THSD4: variants seen among roughly 807,000 people sequenced by gnomAD.
THSD4 encodes thrombospondin type-1 domain-containing protein 4.
Under a neutral mutation model 119.0 loss-of-function variants are expected in THSD4, and 69 were observed. The observed-to-expected ratio is 0.58, with a 90% CI of 0.48 to 0.71. The LOEUF is 0.71. Ranked by LOEUF, THSD4 falls within the 30% of genes least tolerant of loss-of-function variation. The pLI is 0.00. For synonymous variants in THSD4, 524 were observed against 540.4 expected (o/e 0.97, Z 0.42); for missense variants, 1,393 against 1,391.1 (o/e 1.00, Z -0.02).
intron 8 of THSD4, among the ~76,000 whole-genome samples, chr15:71,698,126 T>G (rs959701400): frequency 2.0e-5 from 3 of 152,150 alleles, no homozygotes; most frequent in Non-Finnish European, 4.4e-5. Flanking sequence ...GAAAATCATT[T>G]GGTACTTGTC....
intron 7 of THSD4, among the ~76,000 whole-genome samples, chr15:71,657,860 T>C (rs2140991418): frequency 6.6e-6 from 1 of 152,372 alleles, no homozygotes; most frequent in East Asian, 1.9e-4. Context: ...AGCATTTTCA[T>C]ATAATGTCTG....
chr15:71,125,092 G>C (rs1435964461), intron 1 of THSD4, among the ~76,000 whole-genome samples: 1 of 151,862 alleles, frequency 6.6e-6, no homozygotes, highest in Non-Finnish European at 1.5e-5. Context: ...GAGAAGAGGA[G>C]AGAAGGTGAA....
chr15:71,442,660 G>GTGTATGTATGTATGTATATATA, intron 7 of THSD4, among the ~76,000 whole-genome samples: 2 of 25,828 alleles, frequency 7.7e-5, no homozygotes, highest in African/African-American at 1.1e-4. Context: ...GTGTGTGTGT[G>GTGTATGTATGTATGTATATATA]TATATATATA....
Position 71,141,462 on chromosome 15 carries a change from C to G in THSD4, c.-66C>G. 1 of 1,515,704 alleles carries G rather than the reference C, an allele frequency of 6.6e-7. No individual in the cohort carries two copies. The highest frequency in any genetic ancestry group is 8.9e-7 in the Non-Finnish European group (1 of 1,119,230). 93.9% of individuals were successfully genotyped at this position (1,515,704 alleles called of 1,614,324 possible). A position where few individuals can be genotyped will look rare whatever the true frequency, so the allele number is the denominator to read the frequency against. ...TCATTTCCATAGGACTTGAACGCAA[C>G]TCCCAATTGCAGAAAATTGGCAACG... On this transcript the variant is annotated 5_prime_UTR_variant, in exon 2 of 18. Coordinates refer to ENST00000261862, the MANE Select transcript of THSD4 (RefSeq NM_024817.3).
intron 8 of THSD4, among the ~76,000 whole-genome samples, chr15:71,727,350 C>A (rs1400212356): frequency 6.6e-6 from 1 of 151,670 alleles, no homozygotes; most frequent in East Asian, 1.9e-4. Flanking sequence ...ATGTGACCCT[C>A]TTAGCTTTAG....
chr15:71,490,025 AT>A (rs968587273), intron 7 of THSD4, among the ~76,000 whole-genome samples: 1 of 151,520 alleles, frequency 6.6e-6, no homozygotes, highest in South Asian at 2.1e-4. Context: ...TTGTGTCCTG[AT>A]TTTTTTTTCC....
chr15:71,714,702 C>T (rs186371884), intron 8 of THSD4, among the ~76,000 whole-genome samples: 4 of 151,488 alleles, frequency 2.6e-5, no homozygotes, highest in African/African-American at 4.9e-5. Context: ...TAAAATTAGC[C>T]GAGCGTGGTG....
chr15:71,640,229 C>T (rs961500840), intron 7 of THSD4, among the ~76,000 whole-genome samples: 3 of 151,626 alleles, frequency 2.0e-5, no homozygotes, highest in African/African-American at 7.3e-5. Context: ...ACTACAGGTA[C>T]ACACTGCTAT....
At chr15:71,368,720 A>G (rs1202606589) in intron 6 of THSD4, among the ~76,000 whole-genome samples, 1 of 152,264 alleles carries the variant, frequency 6.6e-6, no homozygotes, top group African/African-American at 2.4e-5. Flanking sequence ...AGGTAGTGTG[A>G]TGCCTCCAGC....
At chr15:71,421,384 G>C (rs527303721) in intron 7 of THSD4, among the ~76,000 whole-genome samples, 1 of 152,098 alleles carries the variant, frequency 6.6e-6, no homozygotes, top group Non-Finnish European at 1.5e-5. Flanking sequence ...GCTTTTGTTT[G>C]TCTGGGTAAG....
rs149319924 is a variant in THSD4 at position 71,269,934 on chromosome 15, C to G, written c.1015+13219C>G. On this transcript the variant is annotated intron_variant, in intron 6 of 17. Transcript: ENST00000261862. ...CTTCAAGGAGAACTACAAACCACTGCTCAAGGAAATAAGAGAGGACACAAA... is the reference window on the plus strand; with the variant it reads ...CTTCAAGGAGAACTACAAACCACTGGTCAAGGAAATAAGAGAGGACACAAA... Among the ~76,000 whole-genome samples the G allele has an allele frequency of 5.7e-4, 87 of 152,228 alleles. 1 individual carries two copies. In the East Asian group the frequency reaches 0.014, roughly 25 times the overall value.
chr15:71,766,195 T>G (rs1005065375), intron 16 of THSD4, among the ~76,000 whole-genome samples: 1 of 152,104 alleles, frequency 6.6e-6, no homozygotes, highest in African/African-American at 2.4e-5. Flanking sequence ...ATAAGATTCA[T>G]TTTTTTCAAG....
intron 6 of THSD4, among the ~76,000 whole-genome samples, chr15:71,410,096 C>A (rs2046665082): frequency 6.6e-6 from 1 of 151,970 alleles, no homozygotes; most frequent in African/African-American, 2.4e-5. Flanking sequence ...TAGAAATGTA[C>A]AGAAAGACTC....
intron 6 of THSD4, among the ~76,000 whole-genome samples, chr15:71,397,231 C>T (rs2046465810): frequency 6.6e-6 from 1 of 152,140 alleles, no homozygotes; most frequent in African/African-American, 2.4e-5. Flanking sequence ...GTTCCTCCTT[C>T]CTCCCCTCCC....
At chr15:71,167,343 T>C (rs970168494) in intron 3 of THSD4, among the ~76,000 whole-genome samples, 2 of 152,228 alleles carry the variant, frequency 1.3e-5, no homozygotes, top group African/African-American at 2.4e-5. Context: ...CCATAGACAA[T>C]GTGTAAATGA....
At chr15:71,295,737 G>GT (rs2044854027) in intron 6 of THSD4, among the ~76,000 whole-genome samples, 1 of 151,122 alleles carries the variant, frequency 6.6e-6, no homozygotes, top group Non-Finnish European at 1.5e-5. Flanking sequence ...ATGAGTTTTA[G>GT]TAAGTTTACC....
At chr15:71,713,316 G>C (rs1322696974) in intron 8 of THSD4, among the ~76,000 whole-genome samples, 1 of 152,152 alleles carries the variant, frequency 6.6e-6, no homozygotes, top group African/African-American at 2.4e-5. Context: ...GAACTGTCTT[G>C]GTCCTTCCTG....
chr15:71,341,126 T>TC (rs1370882994), intron 6 of THSD4: 1 of 1,343,292 alleles, frequency 7.4e-7, no homozygotes, highest in African/African-American at 1.5e-5. Context: ...CTTTTTTTTT[T>TC]CCTTTTAATT....
At chr15:71,647,265 C>T (rs1232521393) in intron 7 of THSD4, among the ~76,000 whole-genome samples, 1 of 152,174 alleles carries the variant, frequency 6.6e-6, no homozygotes, top group Non-Finnish European at 1.5e-5. Flanking sequence ...TGCTATTGCC[C>T]TACCTTTCAG....
Sources: allele counts gnomAD v4.1 joint callset (sites outside exome capture counted in the v4.1 genomes callset), GRCh38; gene constraint gnomAD v4.1.1; transcripts MANE v1.5; gene names NCBI Gene and HGNC (gene_info 2026-07-23, HGNC 2026-07-21).